YAF2: variants seen among roughly 807,000 people sequenced by gnomAD.
The protein encoded by YAF2 is YY1-associated factor 2.
In YAF2, 7 loss-of-function variants were observed where a neutral mutation model predicts 20.1. The ratio of observed to expected loss-of-function variants is 0.35; its 90% confidence interval spans 0.20 to 0.65. The LOEUF (loss-of-function observed/expected upper bound fraction) is 0.65. Among genes scored for constraint, YAF2 ranks in the 30% least tolerant of loss-of-function variants. YAF2 has a pLI of 0.69. For synonymous variants in YAF2, 74 were observed against 76.0 expected, an observed-to-expected ratio of 0.97 and a Z score of 0.14; for missense variants, 151 against 219.2, an observed-to-expected ratio of 0.69 and a Z score of 1.96.
At chr12:42,186,458 C>T (rs2066477004) in intron 2 of YAF2, among the ~76,000 whole-genome samples, 1 of 151,992 alleles carries the variant, frequency 6.6e-6, no homozygotes, top group African/African-American at 2.4e-5. Context: ...GGTGGATCAC[C>T]TGAGGTCAGG....
intron 2 of YAF2, among the ~76,000 whole-genome samples, chr12:42,199,908 A>C (rs2066853645): frequency 6.6e-6 from 1 of 152,208 alleles, no homozygotes; most frequent in Non-Finnish European, 1.5e-5. Context: ...TAACAATTCA[A>C]GGTTATACAG....
chr12:42,225,860 G>T (rs760279200), intron 2 of YAF2, among the ~76,000 whole-genome samples: 9 of 152,144 alleles, frequency 5.9e-5, no homozygotes, highest in Non-Finnish European at 1.0e-4. Context: ...TGGGTATACA[G>T]GCTCTTTTTT....
At chr12:42,188,663 G>T (rs1172813827) in intron 2 of YAF2, among the ~76,000 whole-genome samples, 1 of 151,864 alleles carries the variant, frequency 6.6e-6, no homozygotes, top group Non-Finnish European at 1.5e-5. Context: ...TGGGATTATA[G>T]GCGTGAGCCA....
At chr12:42,233,578 C>G (rs1390268281) in intron 2 of YAF2, 1 of 771,588 alleles carries the variant, frequency 1.3e-6, no homozygotes, top group Non-Finnish European at 1.6e-6. Flanking sequence ...GTGGTATGAT[C>G]ACAGCTCACT....
chr12:42,214,163 A>C (rs1344891934), intron 2 of YAF2, among the ~76,000 whole-genome samples: 1 of 152,236 alleles, frequency 6.6e-6, no homozygotes. Flanking sequence ...CCTTCATCTG[A>C]TGCCACTCAC....
intron 2 of YAF2, chr12:42,231,917 A>C (rs2067994969): frequency 6.6e-6 from 1 of 152,192 alleles, no homozygotes; most frequent in Non-Finnish European, 1.5e-5. Context: ...TATATGCTAA[A>C]TATCCAAGTC....
In YAF2 at chr12:42,211,577, T is replaced by C. The variant is rs181072023; in HGVS notation, c.152+26022A>G. 5.2e-4 allele frequency among the ~76,000 whole-genome samples: 78 copies of C among 151,346 alleles called. 1 individual carries two copies. Among genetic ancestry groups the C allele is most frequent in the Middle Eastern group, 3.4e-3 (1 of 292 alleles). On this transcript the variant is annotated intron_variant, in intron 2 of 3. Coordinates refer to ENST00000534854, the MANE Select transcript of YAF2 (RefSeq NM_005748.6). Reference sequence around the variant, plus strand: ...CATGGTAAAACCCCATAACCCCATCTCTACTAAAAATACAAAAAGTAGCCA... The same window carrying C: ...CATGGTAAAACCCCATAACCCCATCCCTACTAAAAATACAAAAAGTAGCCA...
intron 2 of YAF2, among the ~76,000 whole-genome samples, chr12:42,206,743 AT>A (rs1189370239): frequency 1.9e-4 from 29 of 152,054 alleles, no homozygotes; most frequent in African/African-American, 4.8e-5. Context: ...CTTGGCTGCT[AT>A]TCTGCCAAAT....
At chr12:42,184,216 T>C (rs532186924) in intron 2 of YAF2, among the ~76,000 whole-genome samples, 1 of 152,312 alleles carries the variant, frequency 6.6e-6, no homozygotes, top group South Asian at 2.1e-4. Flanking sequence ...CTAAGGGACA[T>C]GTACAAGGAG....
chr12:42,217,403 C>G (rs184955272), intron 2 of YAF2, among the ~76,000 whole-genome samples: 96 of 152,178 alleles, frequency 6.3e-4, no homozygotes, highest in African/African-American at 2.0e-3. Context: ...CAATTAACAT[C>G]CACTAACATA....
intron 2 of YAF2, chr12:42,233,562 A>T: frequency 1.2e-6 from 1 of 846,148 alleles, no homozygotes; most frequent in African/African-American, 1.8e-5. Flanking sequence ...CCCAGGCTGG[A>T]GTGCAGTGGT....
At chr12:42,163,722 AAATG>A (rs2065848507) in intron 2 of YAF2, among the ~76,000 whole-genome samples, 1 of 152,220 alleles carries the variant, frequency 6.6e-6, no homozygotes, top group South Asian at 2.1e-4. Context: ...CACAAAACAT[AAATG>A]TATATAGTTC....
intron 2 of YAF2, among the ~76,000 whole-genome samples, chr12:42,225,099 G>GT (rs2067650306): frequency 6.6e-6 from 1 of 152,300 alleles, no homozygotes; most frequent in Admixed American, 6.5e-5. Flanking sequence ...TCTCATTGTG[G>GT]TTTGATGTGC....
At chr12:42,197,111 T>C (rs2137134085) in intron 2 of YAF2, among the ~76,000 whole-genome samples, 1 of 152,338 alleles carries the variant, frequency 6.6e-6, no homozygotes, top group Non-Finnish European at 1.5e-5. Context: ...TGACAACAGA[T>C]AGAACAAACT....
intron 2 of YAF2, among the ~76,000 whole-genome samples, chr12:42,205,446 G>T (rs141374745): frequency 0.017 from 2,640 of 150,992 alleles, 42 homozygotes; most frequent in Middle Eastern, 0.045. Context: ...CACAATCTCA[G>T]CTCACTGCAA....
At chr12:42,215,015 T>C (rs937864526) in intron 2 of YAF2, among the ~76,000 whole-genome samples, 1 of 151,984 alleles carries the variant, frequency 6.6e-6, no homozygotes, top group African/African-American at 2.4e-5. Context: ...TTAAATTAAA[T>C]AAATAAATAA....
chr12:42,210,741 GAAGA>G (rs2067185049), intron 2 of YAF2: 1 of 1,436,000 alleles, frequency 7.0e-7, no homozygotes, highest in Non-Finnish European at 9.3e-7. Context: ...TAGAACTACA[GAAGA>G]AAGCATAAAT....
chr12:42,211,742 CA>C (rs1173533325), intron 2 of YAF2, among the ~76,000 whole-genome samples: 1,304 of 42,414 alleles, frequency 0.031, 10 homozygotes, highest in East Asian at 0.17. Flanking sequence ...AGACTCTGTC[CA>C]AAAAAAAAAA....
At chr12:42,169,861 T>C (rs2066002317) in intron 2 of YAF2, among the ~76,000 whole-genome samples, 1 of 151,476 alleles carries the variant, frequency 6.6e-6, no homozygotes, top group Non-Finnish European at 1.5e-5. Context: ...TTCCTTCCTT[T>C]TCTCTCTCTC....
Sources: gnomAD v4.1 joint callset for allele counts (sites outside exome capture counted in the v4.1 genomes callset) on GRCh38, gnomAD v4.1.1 for gene constraint, MANE v1.5 for transcripts, NCBI Gene and HGNC (gene_info 2026-07-23, HGNC 2026-07-21) for gene names.